The following MTUS1 variants were observed in gnomAD, a reference collection of about 807,000 sequenced individuals.
MTUS1 encodes microtubule-associated tumor suppressor 1.
Under a neutral mutation model 120.8 loss-of-function variants are expected in MTUS1, and 109 were observed. The ratio of observed to expected loss-of-function variants is 0.90; its 90% CI spans 0.77 to 1.06. The LOEUF (loss-of-function observed/expected upper bound fraction) is 1.06. Among genes scored for constraint, MTUS1 ranks in the 50% least tolerant of loss-of-function variants. MTUS1 has a pLI of 0.00. For missense variants in MTUS1, 2,210 were observed against 1,486.3 expected (o/e 1.49, Z -8.01); for synonymous variants, 737 against 550.5 (o/e 1.34, Z -4.74).
intron 6 of MTUS1, among the ~76,000 whole-genome samples, chr8:17,709,906 C>G (rs992783004): frequency 2.0e-4 from 30 of 151,802 alleles, no homozygotes; most frequent in African/African-American, 6.3e-4. Flanking sequence ...ACTCGGGAGG[C>G]TGAGGCAGGA....
At chr8:17,784,414 G>A (rs1435680210) in intron 1 of MTUS1, among the ~76,000 whole-genome samples, 2 of 150,638 alleles carry the variant, frequency 1.3e-5, no homozygotes, top group Non-Finnish European at 2.9e-5. Flanking sequence ...TCCAGCCTCA[G>A]CCTCTCAGGT....
chr8:17,791,560 G>C (rs2051785592), intron 1 of MTUS1, among the ~76,000 whole-genome samples: 1 of 152,142 alleles, frequency 6.6e-6, no homozygotes, highest in East Asian at 1.9e-4. Context: ...CTTTACCAAA[G>C]ATAAAAGTAT....
chr8:17,646,806 C>T (rs1459442432), intron 14 of MTUS1, among the ~76,000 whole-genome samples, 176 bp downstream of exon 14: 2 of 152,258 alleles, frequency 1.3e-5, no homozygotes, highest in African/African-American at 2.4e-5. Flanking sequence ...TTTCAGGCCG[C>T]TTTGGTAAAA....
In MTUS1 at chr8:17,675,205, A is replaced by G; in HGVS notation, c.2886T>C (p.Val962=). The change falls in exon 8 of 15, where the codon GTT becomes GTC. Residue 962 remains valine (V), a synonymous_variant. Transcript: ENST00000693296. ...KQHKTLSQEL[V]NLRGELVTAS... The stretch of plus-strand genomic sequence containing the variant: ...TCTTACCTAGCTCTCCCCGGAGGTT[A>G]ACAAGTTCTTGAGATAGGGTTTTGT... 6.2e-7 allele frequency: 1 copy of G among 1,614,174 alleles called. No homozygotes were observed. The highest frequency in any genetic ancestry group is 8.5e-7 in the Non-Finnish European group (1 of 1,180,024).
chr8:17,779,938 A>G lies in MTUS1; in HGVS notation c.-155+21123T>C, dbSNP rs151049140. Among the ~76,000 whole-genome samples, 550 of 152,160 alleles carry G rather than the reference A, an allele frequency of 3.6e-3. 1 individual carries two copies. The highest frequency in any genetic ancestry group is 0.01 in the Middle Eastern group (3 of 294). ...TCTCAACTGTCAATGTGACATCTCC[A>G]CTTACATGTTTAACAGGAATCTCTG... On this transcript the variant is annotated intron_variant, in intron 1 of 14. Coordinates refer to ENST00000693296, the MANE Select transcript of MTUS1 (RefSeq NM_001363059.2).
intron 1 of MTUS1, among the ~76,000 whole-genome samples, chr8:17,785,429 C>A (rs1207319894): frequency 1.3e-5 from 2 of 152,124 alleles, no homozygotes; most frequent in Admixed American, 1.3e-4. Context: ...TTTTATGGAC[C>A]TGTGACATCC....
chr8:17,742,430 A>G (rs2047409439), intron 3 of MTUS1, among the ~76,000 whole-genome samples: 1 of 151,302 alleles, frequency 6.6e-6, no homozygotes, highest in South Asian at 2.1e-4. Flanking sequence ...TAGAGCTTTC[A>G]TCTCACTCAT....
chr8:17,788,152 C>A lies in MTUS1; in HGVS notation c.-155+12909G>T, dbSNP rs116051491. On this transcript the variant is annotated intron_variant, in intron 1 of 14. Transcript: ENST00000693296. ...AAAAAAGACATTCTAAGGTGATGGA[C>A]ACATTCTGTATCTTGATTGGTGTGA... 5.8e-3 allele frequency among the ~76,000 whole-genome samples: 880 copies of A among 152,208 alleles called. 15 individuals are homozygous for A. Among genetic ancestry groups the A allele is most frequent in the African/African-American group, 0.02 (851 of 41,516 alleles).
At chr8:17,775,341 C>A (rs1224085595) in intron 1 of MTUS1, among the ~76,000 whole-genome samples, 1 of 152,126 alleles carries the variant, frequency 6.6e-6, no homozygotes, top group African/African-American at 2.4e-5. Flanking sequence ...GATACCTCAA[C>A]CTTCCCAATC....
At chr8:17,676,135 A>G in intron 7 of MTUS1, 1 of 634,324 alleles carries the variant, frequency 1.6e-6, no homozygotes, top group Non-Finnish European at 2.9e-6. Context: ...CATCCTGATC[A>G]CAGCGTTGCA....
At position 17,755,801 on chromosome 8, in the gene MTUS1, C is replaced by T. The variant is rs201511934; in HGVS notation, c.7G>A (p.Asp3Asn). The T allele has an allele frequency of 1.0e-4, 166 of 1,612,134 alleles. No individual in the cohort carries two copies. In the African/African-American group the frequency reaches 1.9e-3, roughly 19 times the overall value. The part of the protein sequence containing the change: MT[D>N]DNSDDKIEDE... ...TCTATTTTATCATCTGAATTATCAT[C>T]AGTCATCCTGAATAGTAACCTTAAA... The change falls in exon 2 of 15, where the codon GAT becomes AAT. Residue 3 changes from aspartate (D) to asparagine (N), a missense_variant. Transcript: ENST00000693296.
intron 1 of MTUS1, among the ~76,000 whole-genome samples, chr8:17,759,394 G>C (rs2048869241): frequency 6.6e-6 from 1 of 151,428 alleles, no homozygotes; most frequent in East Asian, 1.9e-4. Flanking sequence ...CTCCCGAGTA[G>C]CTGTGACTAC....
intron 3 of MTUS1, among the ~76,000 whole-genome samples, chr8:17,732,511 C>T (rs776553246): frequency 6.6e-6 from 1 of 152,192 alleles, no homozygotes; most frequent in Non-Finnish European, 1.5e-5. Context: ...CACTTACTGC[C>T]GTGGGGCTCT....
intron 4 of MTUS1, among the ~76,000 whole-genome samples, chr8:17,718,651 C>G (rs1490615283): frequency 2.0e-5 from 3 of 152,104 alleles, no homozygotes; most frequent in Admixed American, 2.0e-4. Flanking sequence ...TGGCCACCTA[C>G]TTCTCAACCT....
chr8:17,680,229 C>T (rs1376673533), intron 7 of MTUS1, among the ~76,000 whole-genome samples: 2 of 151,778 alleles, frequency 1.3e-5, no homozygotes, highest in Non-Finnish European at 2.9e-5. Context: ...TTTGGAAGGC[C>T]GAGGCAGGTG....
At chr8:17,692,188 C>T (rs1310464110) in intron 6 of MTUS1, 1 of 152,180 alleles carries the variant, frequency 6.6e-6, no homozygotes, top group Non-Finnish European at 1.5e-5. Flanking sequence ...GCTCTTATAA[C>T]ATTTTATACC....
chr8:17,731,473 C>T lies in MTUS1; in HGVS notation c.2288-7640G>A, dbSNP rs60811771. 3.8e-3 allele frequency among the ~76,000 whole-genome samples: 574 copies of T among 152,158 alleles called. 1 individual carries two copies. The highest frequency in any genetic ancestry group is 0.013 in the African/African-American group (544 of 41,508). On this transcript the variant is annotated intron_variant, in intron 3 of 14. Coordinates refer to ENST00000693296, the MANE Select transcript of MTUS1 (RefSeq NM_001363059.2). ...GTACCATACAAATATTAGCTGTCAG[C>T]GCTCGCCATCCACCAAAATAAATTA... is the stretch of plus-strand genomic sequence containing the variant.
chr8:17,712,688 G>A (rs1821566450), intron 6 of MTUS1, among the ~76,000 whole-genome samples: 1 of 152,084 alleles, frequency 6.6e-6, no homozygotes, highest in Admixed American at 6.6e-5. Context: ...CCAAAGTATA[G>A]GAATCGCAGT....
chr8:17,772,162 A>G (rs1025314744), intron 1 of MTUS1, among the ~76,000 whole-genome samples: 1 of 152,196 alleles, frequency 6.6e-6, no homozygotes, highest in Non-Finnish European at 1.5e-5. Flanking sequence ...ATAAAACTCT[A>G]ATTTTTATCC....
Sources: gnomAD v4.1 joint callset for allele counts (sites outside exome capture counted in the v4.1 genomes callset) on GRCh38, gnomAD v4.1.1 for gene constraint, MANE v1.5 for transcripts, NCBI Gene and HGNC (gene_info 2026-07-23, HGNC 2026-07-21) for gene names.